USP30: variants seen among roughly 807,000 people sequenced by gnomAD.
USP30 encodes ubiquitin carboxyl-terminal hydrolase 30.
In USP30, 41 loss-of-function variants were observed where a neutral mutation model predicts 68.2. The observed-to-expected ratio is 0.60, with a 90% CI of 0.47 to 0.78. The LOEUF (loss-of-function observed/expected upper bound fraction) is 0.78, where lower values mean the gene tolerates loss of function less well. Ranked by LOEUF, USP30 falls within the 30% of genes least tolerant of loss-of-function variation. USP30 has a pLI of 0.00. For missense variants in USP30, 522 were observed against 649.4 expected (o/e 0.80, Z 2.13); for synonymous variants, 229 against 253.7 (o/e 0.90, Z 0.93).
intron 7 of USP30, among the ~76,000 whole-genome samples, chr12:109,078,798 G>A (rs933011400): frequency 5.3e-5 from 8 of 152,148 alleles, no homozygotes; most frequent in African/African-American, 1.9e-4. Context: ...ATATGAAAAT[G>A]TTTTTGTCTT....
chr12:109,071,251 A>G (rs544626921), intron 4 of USP30, among the ~76,000 whole-genome samples: 1 of 152,390 alleles, frequency 6.6e-6, no homozygotes, highest in East Asian at 1.9e-4. Flanking sequence ...AGAATCATTC[A>G]TGTTAAGATG....
chr12:109,048,752 AAC>A (rs2040631093), upstream of USP30, among the ~76,000 whole-genome samples: 1 of 151,752 alleles, frequency 6.6e-6, no homozygotes. Context: ...AAAAAAAAAA[AAC>A]AAAAAAAGAA....
chr12:109,031,536 A>G (rs1441959697), intron 3 of USP30, among the ~76,000 whole-genome samples: 1 of 152,254 alleles, frequency 6.6e-6, no homozygotes, highest in East Asian at 1.9e-4. Context: ...ACTCAAACAA[A>G]AACGTGAACA....
At chr12:109,066,987 C>G (rs1210887600) in intron 3 of USP30, among the ~76,000 whole-genome samples, 1 of 151,988 alleles carries the variant, frequency 6.6e-6, no homozygotes, top group Non-Finnish European at 1.5e-5. Flanking sequence ...AATGCTGCAG[C>G]CTCATGAAAA....
Position 109,070,632 on chromosome 12 carries a change from TGA to T in USP30, c.481-978_481-977del, listed in dbSNP as rs1285263923. ...TTAAAGTATTGCTCTGGTGGCAGTG[TGA>T]GGGGACACCAAAGGAGAAGCAGAGG... On this transcript the variant is annotated intron_variant, in intron 4 of 12. Coordinates refer to ENST00000257548, the MANE Select transcript of USP30 (RefSeq NM_032663.5). This position sits in a 1 kb window ranked among gnomAD's most constrained non-coding sequence, Gnocchi z 4.0. Among the ~76,000 whole-genome samples, 2 of 152,088 alleles carry T rather than the reference TGA, an allele frequency of 1.3e-5. No homozygotes were observed. The highest frequency in any genetic ancestry group is 4.8e-5 in the African/African-American group (2 of 41,404).
At chr12:109,039,209 G>C (rs1444134833) in intron 3 of USP30, among the ~76,000 whole-genome samples, 2 of 152,096 alleles carry the variant, frequency 1.3e-5, no homozygotes, top group African/African-American at 2.4e-5. Flanking sequence ...GTTTTCCTCA[G>C]AAAGTTTTAC....
intron 3 of USP30, among the ~76,000 whole-genome samples, chr12:109,060,808 C>T (rs2041040599): frequency 6.6e-6 from 1 of 152,126 alleles, no homozygotes; most frequent in East Asian, 1.9e-4. Flanking sequence ...GCATGCCCCA[C>T]CACGCCTGGC....
At chr12:109,080,448 A>G (rs916111128) in intron 7 of USP30, among the ~76,000 whole-genome samples, 1 of 152,188 alleles carries the variant, frequency 6.6e-6, no homozygotes, top group Non-Finnish European at 1.5e-5. Flanking sequence ...AAACTTTACA[A>G]TTGTTATCTC....
chr12:109,059,590 T>C (rs2040993529), intron 3 of USP30, among the ~76,000 whole-genome samples: 2 of 152,192 alleles, frequency 1.3e-5, no homozygotes, highest in Admixed American at 1.3e-4. Context: ...CTCAGCTCAC[T>C]GCAACCTCCG....
At chr12:109,079,351 CTTTTTTTTTT>C (rs71079521) in intron 7 of USP30, among the ~76,000 whole-genome samples, 41 of 48,786 alleles carry the variant, frequency 8.4e-4, no homozygotes, top group African/African-American at 2.9e-3. Context: ...TTTTTTTTTT[CTTTTTTTTTT>C]TTTTTTTTTT....
At chr12:109,046,164 G>A (rs1414808454) in intron 3 of USP30, among the ~76,000 whole-genome samples, 4 of 137,890 alleles carry the variant, frequency 2.9e-5, no homozygotes, top group Non-Finnish European at 4.6e-5. Context: ...GCAGTGGCGC[G>A]ATCTTGGCTC....
In USP30 at chr12:109,081,941, A is replaced by T; in HGVS notation, c.789A>T (p.Pro263=). 6.2e-7 allele frequency: 1 copy of T among 1,614,042 alleles called. No homozygotes were observed. The highest frequency in any genetic ancestry group is 8.5e-7 in the Non-Finnish European group (1 of 1,179,852). Residue 263 remains proline, a synonymous_variant, in exon 9 of 13, where the codon CCA becomes CCT. Coordinates refer to ENST00000257548, the MANE Select transcript of USP30 (RefSeq NM_032663.5). ...TTCTTCTCATGCTGTAGGGTCACCC[A>T]TTGACCCTGGACCACTGCCTTCACC... ...LSIPAATWGH[P]LTLDHCLHHF...
At chr12:109,060,391 G>C (rs2041025323) in intron 3 of USP30, among the ~76,000 whole-genome samples, 1 of 152,200 alleles carries the variant, frequency 6.6e-6, no homozygotes, top group Non-Finnish European at 1.5e-5. Context: ...AAAACATTCA[G>C]CTAAATCGTG....
intron 7 of USP30, among the ~76,000 whole-genome samples, chr12:109,080,496 CA>C (rs1566104537): frequency 6.6e-6 from 1 of 152,184 alleles, no homozygotes; most frequent in Non-Finnish European, 1.5e-5. Context: ...CTGCCATCAC[CA>C]AAAGCAGGAA....
intron 7 of USP30, among the ~76,000 whole-genome samples, chr12:109,074,130 G>A (rs1593279971): frequency 6.6e-6 from 1 of 152,136 alleles, no homozygotes; most frequent in African/African-American, 2.4e-5. Context: ...CATGTAATGT[G>A]TGGCTTTTTG....
chr12:109,065,525 G>C (rs1392679232), intron 3 of USP30, among the ~76,000 whole-genome samples: 1 of 152,222 alleles, frequency 6.6e-6, no homozygotes, highest in East Asian at 1.9e-4. Context: ...CCAGTGTGGG[G>C]AAAAGTGGGG....
At chr12:109,075,874 G>A (rs2041589135) in intron 7 of USP30, among the ~76,000 whole-genome samples, 1 of 136,296 alleles carries the variant, frequency 7.3e-6, no homozygotes, top group Admixed American at 7.6e-5. Context: ...TGGTCCATAT[G>A]AGTTCCTTAT....
rs756635162 is a variant in USP30 at position 109,083,025 on chromosome 12, A to G, written c.1131A>G (p.Thr377=). The G allele has an allele frequency of 6.2e-7, 1 of 1,613,520 alleles. No individual in the cohort carries two copies. The highest frequency in any genetic ancestry group is 1.1e-5 in the South Asian group (1 of 91,026). ...AACTGAACAAGAACCCAGGGCCTACACTGGAGCTGCAGGATGGGCCGGGAG... is the reference window on the plus strand; with the variant it reads ...AACTGAACAAGAACCCAGGGCCTACGCTGGAGCTGCAGGATGGGCCGGGAG... ...NPKLNKNPGP[T]LELQDGPGAP... The change falls in exon 11 of 13, where the codon ACA becomes ACG. Residue 377 remains threonine (T), a synonymous_variant. Coordinates refer to ENST00000257548, the MANE Select transcript of USP30 (RefSeq NM_032663.5).
At chr12:109,051,860 G>A (rs1019474493), upstream of USP30, among the ~76,000 whole-genome samples, 1 of 152,146 alleles carries the variant, frequency 6.6e-6, no homozygotes, top group Non-Finnish European at 1.5e-5. Flanking sequence ...GTGAGCCACG[G>A]CGTCTGGCCT....
Sources: gnomAD v4.1 joint callset for allele counts (sites outside exome capture counted in the v4.1 genomes callset) on GRCh38, gnomAD v4.1.1 for gene constraint, Gnocchi (gnomAD v3.1) non-coding constraint, MANE v1.5 for transcripts, NCBI Gene and HGNC (gene_info 2026-07-23, HGNC 2026-07-21) for gene names.